DAB1: variants seen among roughly 807,000 people sequenced by gnomAD.
DAB1 encodes the protein DAB adaptor protein 1.
In DAB1, 15 loss-of-function variants were observed where a neutral mutation model predicts 64.6. The ratio of observed to expected loss-of-function variants is 0.23; its 90% CI spans 0.16 to 0.36. The LOEUF (loss-of-function observed/expected upper bound fraction) is 0.36, where lower values mean the gene tolerates loss of function less well. DAB1 is among the 10% of genes least tolerant of loss of function. The pLI, the probability that DAB1 is intolerant of heterozygous loss-of-function variation, is 1.00. For missense variants in DAB1, 596 were observed against 706.7 expected, an observed-to-expected ratio of 0.84 and a Z score of 1.78; for synonymous variants, 235 against 251.9, an observed-to-expected ratio of 0.93 and a Z score of 0.64.
intron 6 of DAB1, among the ~76,000 whole-genome samples, chr1:57,771,186 A>G (rs901128625): frequency 1.3e-5 from 2 of 152,134 alleles, no homozygotes; most frequent in South Asian, 4.1e-4. Flanking sequence ...CACACAGCTG[A>G]TAAGTGGCAG....
rs553267030 is a variant in DAB1, at chr1:57,338,842, C to G, written c.-136-47676G>C. ...TCAACTATAAGGTTACCAAGAATTC[C>G]TACTTTGTGAGTTTACTGAGAGGAA... On this transcript the variant is annotated intron_variant, in intron 1 of 14. Transcript: ENST00000371236. Among the ~76,000 whole-genome samples the G allele has an allele frequency of 3.3e-5, 5 of 152,276 alleles. No homozygotes were observed. In the East Asian group the frequency reaches 9.7e-4, roughly 29 times the overall value.
chr1:57,418,797 G>C (rs902878711), intron 1 of DAB1, among the ~76,000 whole-genome samples: 9 of 151,960 alleles, frequency 5.9e-5, no homozygotes, highest in Admixed American at 5.9e-4. Context: ...CTTTCCAATA[G>C]AATATGCTAC....
At chr1:58,178,318 A>ACATG (rs1348966284) in intron 4 of DAB1, among the ~76,000 whole-genome samples, 3 of 152,122 alleles carry the variant, frequency 2.0e-5, no homozygotes, top group African/African-American at 7.2e-5. Flanking sequence ...ATGCACACAC[A>ACATG]CATGCATGCA....
chr1:58,174,716 T>C (rs996903903), intron 4 of DAB1, among the ~76,000 whole-genome samples: 1 of 152,052 alleles, frequency 6.6e-6, no homozygotes, highest in Non-Finnish European at 1.5e-5. Context: ...TAGAGGATTG[T>C]AATGTACCAA....
At chr1:58,398,351 T>A (rs1001859964) in intron 3 of DAB1, among the ~76,000 whole-genome samples, 3 of 152,308 alleles carry the variant, frequency 2.0e-5, no homozygotes, top group Middle Eastern at 3.4e-3. Flanking sequence ...TTGCTACATT[T>A]CTAAAGAATC....
At chr1:57,419,263 T>G (rs1272812324) in intron 1 of DAB1, among the ~76,000 whole-genome samples, 1 of 152,216 alleles carries the variant, frequency 6.6e-6, no homozygotes, top group Non-Finnish European at 1.5e-5. Flanking sequence ...GAATCCTGAG[T>G]TGCGATGGCG....
intron 3 of DAB1, among the ~76,000 whole-genome samples, chr1:57,141,896 C>T (rs138888249): frequency 4.6e-5 from 7 of 152,226 alleles, no homozygotes; most frequent in African/African-American, 1.7e-4. Context: ...AAAACTGTGT[C>T]TTGTCGAACA....
At chr1:57,902,358 A>G (rs1054102891) in intron 5 of DAB1, among the ~76,000 whole-genome samples, 1 of 151,950 alleles carries the variant, frequency 6.6e-6, no homozygotes, top group Non-Finnish European at 1.5e-5. Context: ...TATCTTGTTT[A>G]CCCCCAAATT....
chr1:58,039,773 C>G (rs1042162722), intron 5 of DAB1, among the ~76,000 whole-genome samples: 16 of 152,012 alleles, frequency 1.1e-4, no homozygotes, highest in African/African-American at 3.4e-4. Flanking sequence ...CTTTTTCTGT[C>G]CCATTTTTCT....
intron 9 of DAB1, among the ~76,000 whole-genome samples, chr1:57,034,543 C>T (rs1169464207): frequency 6.6e-6 from 1 of 152,208 alleles, no homozygotes; most frequent in Non-Finnish European, 1.5e-5. Flanking sequence ...GAAATGAATG[C>T]ACATTCGAGA....
chr1:58,504,322 A>G (rs974666909), intron 3 of DAB1, among the ~76,000 whole-genome samples: 3 of 152,138 alleles, frequency 2.0e-5, no homozygotes, highest in African/African-American at 7.2e-5. Context: ...CACATCAAAC[A>G]TACGCTGACT....
At chr1:57,521,748 G>C (rs976731640) in intron 7 of DAB1, among the ~76,000 whole-genome samples, 8 of 152,184 alleles carry the variant, frequency 5.3e-5, no homozygotes, top group Non-Finnish European at 7.3e-5. Flanking sequence ...TTTGGAAGAT[G>C]AATTAGAAAT....
intron 6 of DAB1, among the ~76,000 whole-genome samples, chr1:57,790,023 G>A (rs570461833): frequency 1.4e-4 from 21 of 152,204 alleles, no homozygotes; most frequent in Non-Finnish European, 2.2e-4. Flanking sequence ...AGGCACCAAC[G>A]GACCATAAGA....
In DAB1 at chr1:57,553,384, GAGAAAGAAAGAA is replaced by G. The variant is rs775593744; in HGVS notation, n.625+96196_625+96207del. Among the ~76,000 whole-genome samples, 49 of 6,974 alleles carry G rather than the reference GAGAAAGAAAGAA, an allele frequency of 7.0e-3. 1 individual carries two copies. The highest frequency in any genetic ancestry group is 0.033 in the South Asian group (1 of 30). 4.6% of individuals were successfully genotyped at this position (6,974 alleles called of 152,430 possible). A position where few individuals can be genotyped will look rare whatever the true frequency, so the allele number is the denominator to read the frequency against. On this transcript the variant is annotated intron_variant and non_coding_transcript_variant, in intron 7 of 20. Coordinates refer to the DAB1 transcript ENST00000485760. ...GAAAGAGAAGGAAGGAAGGAAGAAA[GAGAAAGAAAGAA>G]AGAAAGAAAGAAAGAAAGAAAGAAA... is the stretch of plus-strand genomic sequence containing the variant.
At chr1:57,180,428 C>T (rs1662791867) in intron 2 of DAB1, among the ~76,000 whole-genome samples, 1 of 152,200 alleles carries the variant, frequency 6.6e-6, no homozygotes, top group African/African-American at 2.4e-5. Flanking sequence ...CATGTGTCAG[C>T]AACCCAGGAC....
At chr1:57,136,366 C>T (rs1557784984) in intron 4 of DAB1, among the ~76,000 whole-genome samples, 177 bp downstream of exon 4, 1 of 152,170 alleles carries the variant, frequency 6.6e-6, no homozygotes, top group Non-Finnish European at 1.5e-5. Context: ...TGCAGCCATA[C>T]TGTGGCCAAG....
chr1:57,493,237 C>A (rs993105315), intron 7 of DAB1, among the ~76,000 whole-genome samples: 2 of 151,956 alleles, frequency 1.3e-5, no homozygotes, highest in Admixed American at 1.3e-4. Context: ...ATTGTGCAAC[C>A]ATTATCACCA....
chr1:58,441,378 T>TGCCG (rs1225262074), intron 3 of DAB1, among the ~76,000 whole-genome samples: 3 of 152,222 alleles, frequency 2.0e-5, no homozygotes, highest in Admixed American at 1.3e-4. Context: ...CCTCTCTCAG[T>TGCCG]GCCGGCTACA....
chr1:57,184,314 C>CT (rs1663301343), intron 2 of DAB1, among the ~76,000 whole-genome samples: 1 of 152,138 alleles, frequency 6.6e-6, no homozygotes, highest in Non-Finnish European at 1.5e-5. Flanking sequence ...AAAAAGGATT[C>CT]TTTTAATTAG....
Sources: gnomAD v4.1 joint callset for allele counts (sites outside exome capture counted in the v4.1 genomes callset) on GRCh38, gnomAD v4.1.1 for gene constraint, MANE v1.5 for transcripts, NCBI Gene and HGNC (gene_info 2026-07-23, HGNC 2026-07-21) for gene names.